DCC: variants seen among roughly 807,000 people sequenced by gnomAD.
DCC encodes netrin receptor DCC.
A neutral mutation model predicts 172.5 loss-of-function variants in DCC; 58 were observed. That is an observed-to-expected ratio of 0.34 (90% CI 0.27 to 0.42). The LOEUF is 0.42. Among genes scored for constraint, DCC ranks in the 10% least tolerant of loss-of-function variants. The pLI is 1.00. For synonymous variants in DCC, 709 were observed against 644.5 expected, an observed-to-expected ratio of 1.10 and a Z score of -1.52; for missense variants, 1,740 against 1,791.0, an observed-to-expected ratio of 0.97 and a Z score of 0.51.
intron 2 of DCC, among the ~76,000 whole-genome samples, chr18:52,890,103 A>G (rs924991936): frequency 1.3e-5 from 2 of 152,146 alleles, no homozygotes; most frequent in African/African-American, 4.8e-5. Context: ...GATCTATGCA[A>G]TATCAACAAA....
At chr18:53,420,977 A>G (rs1236113155) in intron 21 of DCC, among the ~76,000 whole-genome samples, 3 of 152,092 alleles carry the variant, frequency 2.0e-5, no homozygotes, top group Non-Finnish European at 4.4e-5. Context: ...TCTACTGTAA[A>G]TGGTTACTAT....
At chr18:52,894,940 G>A (rs1430446215) in intron 2 of DCC, among the ~76,000 whole-genome samples, 1 of 152,188 alleles carries the variant, frequency 6.6e-6, no homozygotes, top group African/African-American at 2.4e-5. Flanking sequence ...CCAAAAGGCT[G>A]GGTGCCCCAC....
intron 1 of DCC, among the ~76,000 whole-genome samples, chr18:52,532,941 C>T (rs566248387): frequency 2.6e-5 from 4 of 152,132 alleles, no homozygotes; most frequent in Admixed American, 6.5e-5. Flanking sequence ...AGTAGTCAGA[C>T]TCATTCCCAC....
intron 1 of DCC, among the ~76,000 whole-genome samples, chr18:52,511,200 C>T (rs2031425347): frequency 6.8e-6 from 1 of 147,388 alleles, no homozygotes; most frequent in South Asian, 2.1e-4. Context: ...GGAATCGCTT[C>T]AACCTGGGAG....
intron 15 of DCC, among the ~76,000 whole-genome samples, chr18:53,354,922 T>C (rs2057859936): frequency 6.6e-6 from 1 of 152,026 alleles, no homozygotes; most frequent in Non-Finnish European, 1.5e-5. Flanking sequence ...AATATTTAAG[T>C]CTTTAATCCA....
At chr18:52,837,859 AC>A (rs2038735905) in intron 2 of DCC, among the ~76,000 whole-genome samples, 1 of 152,180 alleles carries the variant, frequency 6.6e-6, no homozygotes, top group African/African-American at 2.4e-5. Flanking sequence ...TAATTGACTC[AC>A]AGTTCTGCAG....
At chr18:53,488,487 C>T (rs894284715) in intron 26 of DCC, among the ~76,000 whole-genome samples, 8 of 151,990 alleles carry the variant, frequency 5.3e-5, no homozygotes, top group African/African-American at 2.4e-5. Context: ...TATTTTTATT[C>T]GTGTTGTGTT....
Position 52,631,147 on chromosome 18 carries a change from C to T in DCC, c.92-120907C>T, listed in dbSNP as rs2034667094. ...GCATTATACTTTTTCTAATAAAATC[C>T]TTTAAAAATAAATCCATTCATGTTT... On this transcript the variant is annotated intron_variant, in intron 1 of 28. Transcript: ENST00000442544. Among the ~76,000 whole-genome samples the T allele has an allele frequency of 1.3e-5, 2 of 152,140 alleles. 1 individual carries two copies. The highest frequency in any genetic ancestry group is 4.1e-4 in the South Asian group (2 of 4,826).
At chr18:52,464,338 G>A (rs946946233) in intron 1 of DCC, among the ~76,000 whole-genome samples, 2 of 152,244 alleles carry the variant, frequency 1.3e-5, no homozygotes, top group Middle Eastern at 3.4e-3. Context: ...TCAGTGCTTA[G>A]AATATAAAGT....
At chr18:52,676,234 A>G (rs371977885) in intron 1 of DCC, among the ~76,000 whole-genome samples, 1 of 152,152 alleles carries the variant, frequency 6.6e-6, no homozygotes, top group Non-Finnish European at 1.5e-5. Context: ...CATTCTGAGT[A>G]TATTTATTTG....
intron 1 of DCC, among the ~76,000 whole-genome samples, chr18:52,566,150 A>G (rs753991237): frequency 1.3e-5 from 2 of 152,058 alleles, no homozygotes; most frequent in Non-Finnish European, 2.9e-5. Context: ...ATCGTTTTAG[A>G]TGGGTGGCAT....
chr18:52,761,871 T>G (rs2145149795), intron 2 of DCC, among the ~76,000 whole-genome samples: 1 of 131,360 alleles, frequency 7.6e-6, no homozygotes, highest in African/African-American at 3.1e-5. Context: ...ATAGCGCCAC[T>G]GCAGTCTGGC....
At position 52,413,111 on chromosome 18, in the gene DCC, T is replaced by A. The variant is rs1389742586; in HGVS notation, c.91+72233T>A. Among the ~76,000 whole-genome samples, 4 of 124,274 alleles carry A rather than the reference T, an allele frequency of 3.2e-5. No individual in the cohort carries two copies. The South Asian group carries it at 1.2e-3, about 39-fold the overall frequency. The allele number at this position is 124,274 out of a possible 152,430, so 81.5% of individuals were successfully genotyped here. The stretch of plus-strand genomic sequence containing the variant: ...TTGAGTTTGTTTAGAGGCTTATATG[T>A]TTTTTTTTCCTGAAAGATCATTGCT... On this transcript the variant is annotated intron_variant, in intron 1 of 28. Transcript: ENST00000442544.
chr18:52,383,443 A>G (rs912185678), intron 1 of DCC, among the ~76,000 whole-genome samples: 8 of 152,050 alleles, frequency 5.3e-5, no homozygotes, highest in African/African-American at 1.9e-4. Context: ...ATGATTTTCC[A>G]GTCTTCTTCC....
intron 1 of DCC, among the ~76,000 whole-genome samples, chr18:52,530,791 G>C (rs1188328414): frequency 6.6e-6 from 1 of 152,178 alleles, no homozygotes; most frequent in African/African-American, 2.4e-5. Context: ...CACCCAGAGA[G>C]AGATTGTTTC....
chr18:52,775,744 C>T (rs62081952), intron 2 of DCC, among the ~76,000 whole-genome samples: 24,034 of 152,206 alleles, frequency 0.16, 2,089 homozygotes, highest in Middle Eastern at 0.23. Flanking sequence ...CTCCTCTTGA[C>T]GTCTGGCCGC....
intron 8 of DCC, among the ~76,000 whole-genome samples, chr18:53,176,486 AAAAC>A (rs1435957777): frequency 1.5e-4 from 22 of 150,524 alleles, no homozygotes; most frequent in African/African-American, 4.2e-4. Flanking sequence ...TTACAAGAAA[AAAAC>A]AAACAACCCC....
At chr18:52,785,106 C>T (rs2037631520) in intron 2 of DCC, among the ~76,000 whole-genome samples, 1 of 151,888 alleles carries the variant, frequency 6.6e-6, no homozygotes, top group Non-Finnish European at 1.5e-5. Flanking sequence ...GACTGGTCAC[C>T]CCAACCTAGA....
At chr18:53,431,757 T>G (rs62098290) in intron 21 of DCC, among the ~76,000 whole-genome samples, 64,469 of 152,006 alleles carry the variant, frequency 0.42, 15,439 homozygotes, top group Non-Finnish European at 0.55. Context: ...GTTCTGGGAT[T>G]ACAGGCATGA....
Sources: allele counts gnomAD v4.1 joint callset (sites outside exome capture counted in the v4.1 genomes callset), GRCh38; gene constraint gnomAD v4.1.1; transcripts MANE v1.5; gene names NCBI Gene and HGNC (gene_info 2026-07-23, HGNC 2026-07-21).